Variants in SLC3A1 observed in about 807,000 individuals in gnomAD.
The protein encoded by SLC3A1 is amino acid transporter heavy chain SLC3A1.
Under a neutral mutation model 60.3 loss-of-function variants are expected in SLC3A1, and 78 were observed. The observed-to-expected ratio is 1.29, with a 90% confidence interval of 1.08 to 1.56. The LOEUF is 1.56. Among genes scored for constraint, SLC3A1 ranks in the 40% most tolerant of loss-of-function variants. SLC3A1 has a pLI of 0.00. For missense variants in SLC3A1, 1,172 were observed against 858.9 expected (o/e 1.36, Z -4.56); for synonymous variants, 392 against 307.9 (o/e 1.27, Z -2.86).
intron 9 of SLC3A1, 116 bp from the exon 10 acceptor site, chr2:44,320,083 A>T (rs533200656): frequency 1.2e-6 from 1 of 854,628 alleles, no homozygotes; most frequent in Non-Finnish European, 1.8e-6. Flanking sequence ...TGGCAATTAT[A>T]AGGGGCAAAA....
At chr2:44,300,238 A>G in intron 5 of SLC3A1, 148 bp downstream of exon 5, 1 of 845,022 alleles carries the variant, frequency 1.2e-6, no homozygotes, top group Non-Finnish European at 1.9e-6. Flanking sequence ...GGAAATGTGC[A>G]AGAGTTTGAA....
At chr2:44,307,571 T>G (rs1672189153) in intron 7 of SLC3A1, among the ~76,000 whole-genome samples, 1 of 152,082 alleles carries the variant, frequency 6.6e-6, no homozygotes, top group African/African-American at 2.4e-5. Flanking sequence ...TGCATTTTTT[T>G]TTTTTTTTTT....
chr2:44,321,968 T>C, downstream of SLC3A1: 1 of 1,456,732 alleles, frequency 6.9e-7, no homozygotes, highest in Non-Finnish European at 9.3e-7. Flanking sequence ...TCGAGACCCA[T>C]TCCTCCCCTC....
At position 44,312,750 on chromosome 2, in the gene SLC3A1, T is replaced by C. The variant is rs113934327; in HGVS notation, c.1497T>C (p.Asp499=). 8.1e-6 allele frequency: 13 copies of C among 1,607,272 alleles called. No homozygotes were observed. In the African/African-American group the frequency reaches 8.5e-5, roughly 11 times the overall value. ...CCGCAAATCTCAATGAAAGCTATGATATTGTAAGTTGAATACAACTTGACT... is the reference window on the plus strand; with the variant it reads ...CCGCAAATCTCAATGAAAGCTATGACATTGTAAGTTGAATACAACTTGACT... ...IVAANLNESY[D]INTLRSKSPM... The change falls in exon 8 of 10, where the codon GAT becomes GAC. Residue 499 remains aspartate, a synonymous_variant. Transcript: ENST00000260649.
rs1209210934 is a variant in SLC3A1 at position 44,299,978 on chromosome 2, T to C, written c.899T>C (p.Leu300Ser). The C allele has an allele frequency of 5.6e-6, 9 of 1,614,032 alleles. No homozygotes were observed. The highest frequency in any genetic ancestry group is 8.5e-7 in the Non-Finnish European group (1 of 1,179,988). The stretch of plus-strand genomic sequence containing the variant: ...TTGCTTCTTCATCTTTAGGAAATTT[T>C]ACGGTTCTGGCTCACAAAGGGTGTT... ...PDVQEEIKEILRFWLTKGVDG... is the reference protein window; with the variant it reads ...PDVQEEIKEISRFWLTKGVDG... Residue 300 changes from leucine to serine, a missense_variant, in exon 5 of 10, where the codon TTA becomes TCA. Leu to Ser is a moderately radical substitution (Grantham distance 145). Transcript: ENST00000260649.
chr2:44,304,374 G>A (rs773092176), intron 7 of SLC3A1, 36 bp downstream of exon 7: 1 of 1,525,142 alleles, frequency 6.6e-7, no homozygotes. Context: ...ATAATGTGCT[G>A]CTGTTGCCTT....
intron 8 of SLC3A1, among the ~76,000 whole-genome samples, chr2:44,313,269 T>A (rs1164233654): frequency 6.6e-6 from 1 of 152,202 alleles, no homozygotes; most frequent in Non-Finnish European, 1.5e-5. Flanking sequence ...AGCTACAGAT[T>A]TCAGAATTGT....
chr2:44,279,420 C>A (rs894665040), intron 1 of SLC3A1, among the ~76,000 whole-genome samples: 2 of 152,152 alleles, frequency 1.3e-5, no homozygotes, highest in African/African-American at 4.8e-5. Flanking sequence ...TCTGTCCTTA[C>A]CCTCAGGGGT....
intron 4 of SLC3A1, among the ~76,000 whole-genome samples, chr2:44,287,924 G>A (rs1671654802): frequency 6.6e-6 from 1 of 151,994 alleles, no homozygotes; most frequent in Non-Finnish European, 1.5e-5. Flanking sequence ...TGAAATAACA[G>A]TTTAATTGAC....
chr2:44,296,586 A>C (rs1671850677), intron 4 of SLC3A1, among the ~76,000 whole-genome samples: 1 of 152,158 alleles, frequency 6.6e-6, no homozygotes, highest in African/African-American at 2.4e-5. Context: ...AAATTGATTC[A>C]AGCTTCACCA....
chr2:44,283,224 C>G (rs928639335), intron 3 of SLC3A1, among the ~76,000 whole-genome samples: 1 of 152,192 alleles, frequency 6.6e-6, no homozygotes, highest in Non-Finnish European at 1.5e-5. Flanking sequence ...TGCAGGTCAA[C>G]TTTGTGATGT....
chr2:44,285,854 A>C, intron 3 of SLC3A1, 178 bp from the exon 4 acceptor site: 5 of 771,148 alleles, frequency 6.5e-6, no homozygotes, highest in Non-Finnish European at 9.3e-6. Flanking sequence ...TTTGTGAGGC[A>C]TTAGGCCAAT....
chr2:44,282,631 C>A (rs1421195522), intron 3 of SLC3A1, among the ~76,000 whole-genome samples: 1 of 152,028 alleles, frequency 6.6e-6, no homozygotes. Flanking sequence ...ACCATACTTT[C>A]TTTTTTATTT....
At position 44,320,871 on chromosome 2, in the gene SLC3A1, G is replaced by C; in HGVS notation, c.*232G>C. On this transcript the variant is annotated 3_prime_UTR_variant, in exon 10 of 10. Transcript: ENST00000260649. Reference sequence around the variant, plus strand: ...AACTTTATTCAGATAGCATCAATCAGGGATGACCAGAACACATTAGGACCC... The same window carrying C: ...AACTTTATTCAGATAGCATCAATCACGGATGACCAGAACACATTAGGACCC... The C allele has an allele frequency of 1.8e-6, 1 of 547,236 alleles. No homozygotes were observed. Among genetic ancestry groups the C allele is most frequent in the Non-Finnish European group, 3.3e-6 (1 of 306,352 alleles). 33.9% of individuals were successfully genotyped at this position (547,236 alleles called of 1,614,324 possible). A position where few individuals can be genotyped will look rare whatever the true frequency, so the allele number is the denominator to read the frequency against.
intron 4 of SLC3A1, among the ~76,000 whole-genome samples, chr2:44,288,527 T>A (rs1671667392): frequency 6.6e-6 from 1 of 152,216 alleles, no homozygotes; most frequent in African/African-American, 2.4e-5. Flanking sequence ...TATCTGTATA[T>A]CCCTGGTAGG....
intron 4 of SLC3A1, among the ~76,000 whole-genome samples, chr2:44,299,192 C>A (rs1367817400): frequency 6.6e-6 from 1 of 152,102 alleles, no homozygotes; most frequent in Non-Finnish European, 1.5e-5. Context: ...GCACCCGCCA[C>A]CATGCCTGGC....
At chr2:44,284,364 C>T (rs886089377) in intron 3 of SLC3A1, among the ~76,000 whole-genome samples, 2 of 152,086 alleles carry the variant, frequency 1.3e-5, no homozygotes, top group Admixed American at 6.6e-5. Context: ...AGGCGTGAGC[C>T]ACCACGCCCA....
chr2:44,300,815 TTAG>T (rs1671984305), intron 5 of SLC3A1, among the ~76,000 whole-genome samples, 185 bp from the exon 6 acceptor site: 1 of 152,208 alleles, frequency 6.6e-6, no homozygotes, highest in Non-Finnish European at 1.5e-5. Context: ...GAAATATTGC[TTAG>T]TAGATTTATA....
chr2:44,317,866 G>A (rs561222509), intron 9 of SLC3A1: 8 of 202,950 alleles, frequency 3.9e-5, no homozygotes, highest in South Asian at 1.2e-4. Context: ...GGTTAAATTA[G>A]CCTATTAAAA....
Sources: allele counts gnomAD v4.1 joint callset (sites outside exome capture counted in the v4.1 genomes callset), GRCh38; gene constraint gnomAD v4.1.1; transcripts MANE v1.5; gene names NCBI Gene and HGNC (gene_info 2026-07-23, HGNC 2026-07-21).